SLC25A21: variants seen among roughly 807,000 people sequenced by gnomAD.
SLC25A21 encodes mitochondrial 2-oxodicarboxylate carrier.
SLC25A21 carries 47 observed loss-of-function variants against 43.8 expected under a neutral mutation model. The ratio of observed to expected loss-of-function variants is 1.07; its 90% CI spans 0.85 to 1.37. SLC25A21 has a LOEUF of 1.37. Among genes scored for constraint, SLC25A21 ranks in the 40% most tolerant of loss-of-function variants. The probability of loss-of-function intolerance (pLI) is 0.00; values close to 1 mark genes in which losing one functional copy is unlikely to be tolerated. For missense variants in SLC25A21, 352 were observed against 350.2 expected, an observed-to-expected ratio of 1.00 and a Z score of -0.04; for synonymous variants, 131 against 121.3, an observed-to-expected ratio of 1.08 and a Z score of -0.52.
rs1163104875 is a variant in SLC25A21 at position 36,679,229 on chromosome 14, TG to T, written c.*1428del. Reference sequence around the variant, plus strand: ...TTTTAATGACCCTTTTATTGAATATTGGACTGAAATATAAATTTTAAAAAAC... The same window carrying T: ...TTTTAATGACCCTTTTATTGAATATTGACTGAAATATAAATTTTAAAAAAC... On this transcript the variant is annotated 3_prime_UTR_variant, in exon 10 of 10. Transcript: ENST00000331299. 208 of 984,398 alleles carry T rather than the reference TG, an allele frequency of 2.1e-4. No individual in the cohort carries two copies. Among genetic ancestry groups the T allele is most frequent in the Non-Finnish European group, 2.5e-4 (204 of 829,124 alleles). 61.0% of individuals were successfully genotyped at this position (984,398 alleles called of 1,614,324 possible). A position where few individuals can be genotyped will look rare whatever the true frequency, so the allele number is the denominator to read the frequency against.
At chr14:37,172,126 C>T in intron 1 of SLC25A21, 155 bp downstream of exon 1, 1 of 776,892 alleles carries the variant, frequency 1.3e-6, no homozygotes, top group South Asian at 2.0e-5. Flanking sequence ...CTCCTCTGCT[C>T]TCGCGCCTCT....
At chr14:37,121,619 C>G (rs1963209441) in intron 1 of SLC25A21, among the ~76,000 whole-genome samples, 1 of 152,014 alleles carries the variant, frequency 6.6e-6, no homozygotes, top group South Asian at 2.1e-4. Flanking sequence ...GAAATCTCAT[C>G]TCTACTAAAA....
At chr14:37,163,034 C>T (rs1447823765) in intron 1 of SLC25A21, among the ~76,000 whole-genome samples, 1 of 151,380 alleles carries the variant, frequency 6.6e-6, no homozygotes, top group Non-Finnish European at 1.5e-5. Context: ...AGTAAACTAT[C>T]ACAAGAACAA....
intron 1 of SLC25A21, among the ~76,000 whole-genome samples, chr14:36,934,597 TTCCAATTCACCAGTACTTA>T (rs1892372447): frequency 6.6e-6 from 1 of 152,066 alleles, no homozygotes; most frequent in Admixed American, 6.6e-5. Flanking sequence ...TCCACTTAAC[TTCCAATTCACCAGTACTTA>T]TGGGGTAAAA....
At chr14:37,052,657 G>T (rs1229399588) in intron 1 of SLC25A21, among the ~76,000 whole-genome samples, 1 of 146,232 alleles carries the variant, frequency 6.8e-6, no homozygotes, top group Admixed American at 6.8e-5. Context: ...TTTTCCCCCC[G>T]AGACAGAGTC....
chr14:37,133,357 C>T (rs753857651), intron 1 of SLC25A21, among the ~76,000 whole-genome samples: 13 of 152,082 alleles, frequency 8.5e-5, no homozygotes, highest in African/African-American at 2.7e-4. Flanking sequence ...AATAGTATCA[C>T]ACCTTAGCTC....
At chr14:37,106,495 C>T (rs1962915762) in intron 1 of SLC25A21, among the ~76,000 whole-genome samples, 2 of 152,044 alleles carry the variant, frequency 1.3e-5, no homozygotes, top group South Asian at 4.2e-4. Flanking sequence ...AAAACTCCAC[C>T]CTGGTAAATT....
chr14:37,163,002 G>A (rs1432380489), intron 1 of SLC25A21, among the ~76,000 whole-genome samples: 2 of 152,126 alleles, frequency 1.3e-5, no homozygotes, highest in Non-Finnish European at 2.9e-5. Flanking sequence ...GGACATGGAT[G>A]AAATTGGAAA....
chr14:37,107,856 G>A (rs1438428318), intron 1 of SLC25A21, among the ~76,000 whole-genome samples: 1 of 152,150 alleles, frequency 6.6e-6, no homozygotes, highest in East Asian at 1.9e-4. Context: ...GTGGAAGCAT[G>A]TGAAAATCAG....
chr14:36,947,126 G>T (rs1892696985), intron 1 of SLC25A21, among the ~76,000 whole-genome samples: 1 of 152,120 alleles, frequency 6.6e-6, no homozygotes, highest in Non-Finnish European at 1.5e-5. Context: ...ATAATGAAAT[G>T]CATAAAGCAA....
chr14:36,912,559 A>G (rs1322242374), intron 1 of SLC25A21, among the ~76,000 whole-genome samples: 1 of 152,230 alleles, frequency 6.6e-6, no homozygotes, highest in Admixed American at 6.5e-5. Context: ...AAGGTATCCA[A>G]AAGTGCCTAT....
intron 1 of SLC25A21, among the ~76,000 whole-genome samples, chr14:37,028,657 TAAC>T (rs1961143388): frequency 1.3e-5 from 2 of 152,270 alleles, no homozygotes; most frequent in Non-Finnish European, 2.9e-5. Flanking sequence ...GAATAAAAAA[TAAC>T]ATTAAAGTAT....
intron 1 of SLC25A21, among the ~76,000 whole-genome samples, chr14:36,975,677 T>C (rs1232535679): frequency 6.6e-6 from 1 of 152,222 alleles, no homozygotes; most frequent in Non-Finnish European, 1.5e-5. Context: ...AAGATAATCT[T>C]GTGTAGTCCA....
At chr14:36,985,665 T>G (rs944078197) in intron 1 of SLC25A21, among the ~76,000 whole-genome samples, 10 of 152,200 alleles carry the variant, frequency 6.6e-5, no homozygotes, top group African/African-American at 2.4e-4. Flanking sequence ...TGTCAAATGT[T>G]CGCATACATT....
At chr14:37,018,052 A>G (rs1418261278) in intron 1 of SLC25A21, among the ~76,000 whole-genome samples, 1 of 152,022 alleles carries the variant, frequency 6.6e-6, no homozygotes, top group African/African-American at 2.4e-5. Flanking sequence ...TGATTAAATT[A>G]TGGTAGAGCT....
chr14:36,929,799 C>A (rs1403748427), intron 1 of SLC25A21, among the ~76,000 whole-genome samples: 1 of 152,162 alleles, frequency 6.6e-6, no homozygotes, highest in Non-Finnish European at 1.5e-5. Flanking sequence ...GATAAGCAAC[C>A]ATTCCCGTTT....
intron 1 of SLC25A21, among the ~76,000 whole-genome samples, chr14:37,156,388 TTAA>T (rs1384156657): frequency 6.6e-6 from 1 of 151,810 alleles, no homozygotes; most frequent in Non-Finnish European, 1.5e-5. Context: ...CAGAAAACAA[TTAA>T]TATGACAGGA....
intron 1 of SLC25A21, among the ~76,000 whole-genome samples, chr14:36,998,642 C>T (rs2138721858): frequency 6.6e-6 from 1 of 151,700 alleles, no homozygotes; most frequent in Admixed American, 6.6e-5. Flanking sequence ...CAAAGAAGAG[C>T]CTATTCACTT....
chr14:36,843,722 T>A (rs1889456495), intron 2 of SLC25A21, among the ~76,000 whole-genome samples: 1 of 152,200 alleles, frequency 6.6e-6, no homozygotes, highest in Non-Finnish European at 1.5e-5. Flanking sequence ...TTCACGAAAT[T>A]GATGAAATGC....
Sources: gnomAD v4.1 joint callset for allele counts (sites outside exome capture counted in the v4.1 genomes callset) on GRCh38, gnomAD v4.1.1 for gene constraint, MANE v1.5 for transcripts, NCBI Gene and HGNC (gene_info 2026-07-23, HGNC 2026-07-21) for gene names.